The following AIFM1 variants were observed in gnomAD, a reference collection of about 807,000 sequenced individuals.
AIFM1 encodes the protein apoptosis-inducing factor 1, mitochondrial.
In AIFM1, 3 loss-of-function variants were observed where a neutral mutation model predicts 51.7. The ratio of observed to expected loss-of-function variants is 0.06; its 90% confidence interval spans 0.03 to 0.15. The LOEUF (loss-of-function observed/expected upper bound fraction) is 0.15, where lower values mean the gene tolerates loss of function less well. AIFM1 is among the 10% of genes least tolerant of loss of function. The pLI, the probability that AIFM1 is intolerant of heterozygous loss-of-function variation, is 1.00. For synonymous variants in AIFM1, 178 were observed against 179.4 expected (o/e 0.99, Z 0.06); for missense variants, 330 against 476.8 (o/e 0.69, Z 2.87).
chrX:130,138,615 C>A lies in AIFM1; in HGVS notation c.945G>T (p.Leu315=). Residue 315 remains leucine, a synonymous_variant, in exon 9 of 16, where the codon CTG becomes CTT. Transcript: ENST00000287295. ...CACCCTTTCTGCCAAGAGCACAGGC[C>A]AGTTCGCTACCAAGGAAGCCCCCAC... is the stretch of plus-strand genomic sequence containing the variant. ...IIGGGFLGSE[L]ACALGRKARA... The A allele has an allele frequency of 8.3e-7, 1 of 1,208,803 alleles. No individual in the cohort carries two copies. Among genetic ancestry groups the A allele is most frequent in the East Asian group, 3.0e-5 (1 of 33,828 alleles).
In AIFM1 at chrX:130,161,391, A is replaced by G. The variant is rs759392796; in HGVS notation, c.106+4160T>C. ...CTGGGCGTGGTGGCAGGTGCCTGTA[A>G]TCCCAGCTACTCGGGAGGCTGAGGC... On this transcript the variant is annotated intron_variant, in intron 1 of 15. Transcript: ENST00000287295. 1.0e-4 allele frequency among the ~76,000 whole-genome samples: 11 copies of G among 107,497 alleles called. 1 individual carries two copies. The South Asian group carries it at 4.7e-3, about 46-fold the overall frequency. The allele number at this position is 107,497 out of a possible 115,157, so 93.3% of individuals were successfully genotyped here. A position where few individuals can be genotyped will look rare whatever the true frequency, so the allele number is the denominator to read the frequency against.
At chrX:130,142,672 G>A (rs1365423143) in intron 6 of AIFM1, among the ~76,000 whole-genome samples, 1 of 111,459 alleles carries the variant, frequency 9.0e-6, no homozygotes, top group Non-Finnish European at 1.9e-5. Context: ...TTGAAATGGA[G>A]TCTTGTTCTG....
intron 6 of AIFM1, among the ~76,000 whole-genome samples, chrX:130,141,543 C>A (rs2030579421): frequency 8.9e-6 from 1 of 112,104 alleles, no homozygotes; most frequent in Non-Finnish European, 1.9e-5. Context: ...CACATAGAGG[C>A]TGTTCGTTCC....
At chrX:130,148,462 C>G (rs1159026308) in intron 3 of AIFM1, among the ~76,000 whole-genome samples, 4 of 111,686 alleles carry the variant, frequency 3.6e-5, no homozygotes, top group Non-Finnish European at 7.5e-5. Context: ...TTTAGGAAAG[C>G]AAATATACCT....
At chrX:130,152,600 T>C (rs2031021679) in intron 2 of AIFM1, among the ~76,000 whole-genome samples, 1 of 111,702 alleles carries the variant, frequency 9.0e-6, no homozygotes, top group African/African-American at 3.3e-5. Context: ...AGCTTAACAA[T>C]AGCAAAGGGC....
At chrX:130,163,884 G>T (rs209541) in intron 1 of AIFM1, among the ~76,000 whole-genome samples, 8 of 108,547 alleles carry the variant, frequency 7.4e-5, no homozygotes, top group Non-Finnish European at 1.1e-4. Context: ...CGCCGGGCGC[G>T]GTGGCTCACG....
At chrX:130,152,753 C>A (rs1437237104) in intron 2 of AIFM1, among the ~76,000 whole-genome samples, 1 of 111,675 alleles carries the variant, frequency 9.0e-6, no homozygotes, top group African/African-American at 3.3e-5. Flanking sequence ...CACATCAATG[C>A]GAATCAGAAG....
intron 2 of AIFM1, among the ~76,000 whole-genome samples, chrX:130,151,557 C>T (rs928081881): frequency 8.9e-6 from 1 of 111,943 alleles, no homozygotes; most frequent in Admixed American, 9.5e-5. Flanking sequence ...AAGCATTTAA[C>T]GTTGTGACAA....
At position 130,165,684 on chromosome X, in the gene AIFM1, C is replaced by T; in HGVS notation, c.-28G>A. ...CGGCGACCGCTATTCGGGACCTCCTCCTTCCCTTTCCTCTCACGCACGACC... is the reference window on the plus strand; with the variant it reads ...CGGCGACCGCTATTCGGGACCTCCTTCTTCCCTTTCCTCTCACGCACGACC... On this transcript the variant is annotated 5_prime_UTR_variant, in exon 1 of 16. Coordinates refer to ENST00000287295, the MANE Select transcript of AIFM1 (RefSeq NM_004208.4). 8.9e-7 allele frequency: 1 copy of T among 1,125,788 alleles called. No homozygotes were observed. Among genetic ancestry groups the T allele is most frequent in the Non-Finnish European group, 1.2e-6 (1 of 830,850 alleles). The allele number at this position is 1,125,788 out of a possible 1,213,427, so 92.8% of individuals were successfully genotyped here.
intron 2 of AIFM1, among the ~76,000 whole-genome samples, chrX:130,150,905 G>A (rs1429249204): frequency 1.1e-5 from 1 of 94,070 alleles, no homozygotes; most frequent in East Asian, 3.5e-4. Context: ...AACCCAGGAG[G>A]TGGAGGTTGC....
At chrX:130,139,479 T>C (rs2030498797) in intron 8 of AIFM1, among the ~76,000 whole-genome samples, 1 of 111,748 alleles carries the variant, frequency 8.9e-6, no homozygotes, top group African/African-American at 3.3e-5. Flanking sequence ...GCACTTGCAA[T>C]GAAAAATGCC....
intron 2 of AIFM1, among the ~76,000 whole-genome samples, chrX:130,153,178 C>CAA (rs34591824): frequency 3.0e-4 from 13 of 43,888 alleles, no homozygotes; most frequent in African/African-American, 6.0e-4. Context: ...ACTAAAAATA[C>CAA]AAAAAAAAAA....
chrX:130,132,795 G>T (rs367928514), intron 13 of AIFM1, among the ~76,000 whole-genome samples: 1 of 103,702 alleles, frequency 9.6e-6, no homozygotes, highest in African/African-American at 3.6e-5. Flanking sequence ...CACCCAGGCC[G>T]GAGTGCAGTG....
At chrX:130,155,410 G>GA (rs2031132657) in intron 2 of AIFM1, 1 of 793,714 alleles carries the variant, frequency 1.3e-6, no homozygotes, top group South Asian at 2.3e-5. Flanking sequence ...AAAGGAAAAA[G>GA]AAAAAAATGC....
intron 7 of AIFM1, 117 bp downstream of exon 7, chrX:130,140,416 C>T: frequency 1.6e-6 from 1 of 627,893 alleles, no homozygotes; most frequent in Admixed American, 2.3e-5. Context: ...AAGACACTCA[C>T]TTCAGAGAGT....
chrX:130,150,352 T>TC (rs1160065074), intron 2 of AIFM1, among the ~76,000 whole-genome samples: 1 of 93,521 alleles, frequency 1.1e-5, no homozygotes, highest in African/African-American at 4.0e-5. Context: ...TTTTTTTTTT[T>TC]TGAGACGGAG....
intron 7 of AIFM1, 42 bp downstream of exon 7, chrX:130,140,491 T>G: frequency 9.2e-7 from 1 of 1,090,508 alleles, no homozygotes; most frequent in Non-Finnish European, 1.3e-6. Flanking sequence ...AAAACTTGAA[T>G]GAGCTGTATC....
chrX:130,140,750 G>A (rs1241198028), intron 6 of AIFM1, 133 bp from the exon 7 acceptor site: 1 of 532,609 alleles, frequency 1.9e-6, no homozygotes, highest in Non-Finnish European at 3.2e-6. Flanking sequence ...TATTCACAAG[G>A]TTGTGCCACC....
intron 8 of AIFM1, 96 bp downstream of exon 8, chrX:130,139,699 T>C: frequency 2.5e-6 from 2 of 804,865 alleles, no homozygotes; most frequent in Non-Finnish European, 3.8e-6. Context: ...TAAATAGAAC[T>C]TGGATCTCCC....
Sources: gnomAD v4.1 joint callset for allele counts (sites outside exome capture counted in the v4.1 genomes callset) on GRCh38, gnomAD v4.1.1 for gene constraint, MANE v1.5 for transcripts, NCBI Gene and HGNC (gene_info 2026-07-23, HGNC 2026-07-21) for gene names.